The following YEATS2 variants were observed in gnomAD, a reference collection of about 807,000 sequenced individuals.
YEATS2 encodes YEATS domain containing 2, also known as YEATS domain-containing protein 2.
A neutral mutation model predicts 163.2 loss-of-function variants in YEATS2; 77 were observed. The ratio of observed to expected loss-of-function variants is 0.47; its 90% CI spans 0.39 to 0.57. The LOEUF (loss-of-function observed/expected upper bound fraction) is 0.57. YEATS2 is among the 20% of genes least tolerant of loss of function. The pLI, the probability that YEATS2 is intolerant of heterozygous loss-of-function variation, is 0.00. For missense variants in YEATS2, 1,549 were observed against 1,729.8 expected (o/e 0.90, Z 1.85); for synonymous variants, 631 against 645.1 (o/e 0.98, Z 0.33).
chr3:183,716,617 A>C (rs1715906351), intron 2 of YEATS2, among the ~76,000 whole-genome samples: 1 of 152,220 alleles, frequency 6.6e-6, no homozygotes, highest in African/African-American at 2.4e-5. Context: ...TATGTAACTT[A>C]ATTCATTACC....
At chr3:183,754,428 A>C (rs1720506988) in intron 11 of YEATS2, 63 bp downstream of exon 11, 2 of 1,536,134 alleles carry the variant, frequency 1.3e-6, no homozygotes, top group East Asian at 4.6e-5. Context: ...TGTTGGAACA[A>C]CAAAACAAAA....
At chr3:183,706,521 T>C (rs532315216) in intron 1 of YEATS2, among the ~76,000 whole-genome samples, 1 of 152,264 alleles carries the variant, frequency 6.6e-6, no homozygotes, top group African/African-American at 2.4e-5. Flanking sequence ...TTTTTGCAAT[T>C]GGATATACAT....
In YEATS2 at chr3:183,761,610, C is replaced by T. The variant is rs1560283453; in HGVS notation, c.1760C>T (p.Thr587Ile). ...ATAACAGGAGGACTTGGAGCTTTCACAAAAGTGAGTATGTATTAGGGCATT... is the reference window on the plus strand; with the variant it reads ...ATAACAGGAGGACTTGGAGCTTTCATAAAAGTGAGTATGTATTAGGGCATT... ...KPITGGLGAF[T>I]KVIIKQEPGE... Residue 587 changes from threonine (T) to isoleucine (I), a missense_variant, in exon 14 of 31, where the codon ACA (threonine) becomes ATA (isoleucine). By Grantham distance (89) the Thr-to-Ile change is moderately conservative. Coordinates refer to ENST00000305135, the MANE Select transcript of YEATS2 (RefSeq NM_018023.5). The T allele has an allele frequency of 6.2e-7, 1 of 1,613,748 alleles. No homozygotes were observed. The highest frequency in any genetic ancestry group is 8.5e-7 in the Non-Finnish European group (1 of 1,179,652).
chr3:183,713,072 A>G (rs958060324), intron 1 of YEATS2, among the ~76,000 whole-genome samples: 1 of 152,184 alleles, frequency 6.6e-6, no homozygotes, highest in African/African-American at 2.4e-5. Context: ...TGGCCTGTAC[A>G]GGCCGCTAAT....
rs778379406 is a variant in YEATS2, at chr3:183,762,196, C to T, written c.1864C>T (p.His622Tyr). The part of the protein sequence containing the change: ...LPQYVTVKGG[H>Y]MIAVSPQKQV... ...GCAGTATGTGACTGTGAAAGGGGGTCACATGATAGCTGTGTCCCCTCAAAA... is the reference window on the plus strand; with the variant it reads ...GCAGTATGTGACTGTGAAAGGGGGTTACATGATAGCTGTGTCCCCTCAAAA... Residue 622 changes from histidine to tyrosine, a missense_variant, in exon 15 of 31, where the codon CAC becomes TAC. By Grantham distance (83) the His-to-Tyr change is moderately conservative (BLOSUM62 2). Transcript: ENST00000305135. The T allele has an allele frequency of 5.0e-6, 8 of 1,614,018 alleles. No individual in the cohort carries two copies. In the Admixed American group the frequency reaches 8.3e-5, roughly 17 times the overall value.
chr3:183,771,542 C>CTTTTTTTTTT lies in YEATS2; in HGVS notation c.1948-763_1948-762insTTTTTTTTTT, dbSNP rs1722462151. Among the ~76,000 whole-genome samples, 14 of 60,812 alleles carry CTTTTTTTTTT rather than the reference C, an allele frequency of 2.3e-4. 1 individual carries two copies. Among genetic ancestry groups the CTTTTTTTTTT allele is most frequent in the Non-Finnish European group, 2.9e-4 (11 of 38,150 alleles). 39.9% of individuals were successfully genotyped at this position (60,812 alleles called of 152,430 possible). Reference sequence around the variant, plus strand: ...TTTTAATAGTTAAATATTATTCTTGCCTTTTTTTTTTTTTTTTTTTTTTCT... The same window carrying CTTTTTTTTTT: ...TTTTAATAGTTAAATATTATTCTTGCTTTTTTTTTTCTTTTTTTTTTTTTTTTTTTTTTCT... On this transcript the variant is annotated intron_variant, in intron 15 of 30. Coordinates refer to ENST00000305135, the MANE Select transcript of YEATS2 (RefSeq NM_018023.5).
At chr3:183,738,536 A>G (rs544436958) in intron 8 of YEATS2, among the ~76,000 whole-genome samples, 36 of 128,262 alleles carry the variant, frequency 2.8e-4, no homozygotes, top group Admixed American at 7.7e-4. Context: ...ATATCTCCCA[A>G]TGCTATCCCT....
rs181908656 is a variant in YEATS2 at position 183,730,312 on chromosome 3, G to A, written c.812+1461G>A. On this transcript the variant is annotated intron_variant, in intron 7 of 30. Coordinates refer to ENST00000305135, the MANE Select transcript of YEATS2 (RefSeq NM_018023.5). ...ACTCCTGAGCTCAAGCCCCCTGCCC[G>A]CCTTGGCCTCCCAAAGTGCTGAGAT... 6.8e-4 allele frequency among the ~76,000 whole-genome samples: 103 copies of A among 152,012 alleles called. 3 individuals are homozygous for A. The East Asian group carries it at 0.018, about 26-fold the overall frequency.
chr3:183,763,225 A>G (rs569157839), intron 15 of YEATS2, among the ~76,000 whole-genome samples: 2 of 152,294 alleles, frequency 1.3e-5, no homozygotes, highest in East Asian at 3.9e-4. Context: ...AGAATAGCTA[A>G]CTACACACTT....
intron 29 of YEATS2, 159 bp from the exon 30 acceptor site, chr3:183,808,938 T>G: frequency 8.4e-6 from 5 of 594,068 alleles, no homozygotes; most frequent in Non-Finnish European, 1.2e-5. Context: ...GCCTTTATCA[T>G]TATGGTCTAT....
intron 1 of YEATS2, among the ~76,000 whole-genome samples, chr3:183,710,040 T>G (rs1715035456): frequency 6.6e-6 from 1 of 152,216 alleles, no homozygotes; most frequent in African/African-American, 2.4e-5. Flanking sequence ...GTCGCAGCGT[T>G]ACATTTATTT....
At chr3:183,742,553 A>G (rs537963533) in intron 8 of YEATS2, among the ~76,000 whole-genome samples, 6 of 152,322 alleles carry the variant, frequency 3.9e-5, no homozygotes, top group Non-Finnish European at 7.3e-5. Flanking sequence ...TTATGATTAA[A>G]CCTTAATGCA....
At chr3:183,727,787 A>C (rs1357611063) in intron 6 of YEATS2, among the ~76,000 whole-genome samples, 1 of 152,196 alleles carries the variant, frequency 6.6e-6, no homozygotes, top group Non-Finnish European at 1.5e-5. Flanking sequence ...AACTAGGTGC[A>C]GTCTTCTTGG....
intron 15 of YEATS2, among the ~76,000 whole-genome samples, chr3:183,770,396 AAAAC>A (rs562028051): frequency 3.3e-5 from 5 of 152,280 alleles, no homozygotes; most frequent in East Asian, 1.9e-4. Flanking sequence ...AAAAAACAAA[AAAAC>A]AAAAATTTCC....
At chr3:183,768,637 C>A (rs1218293178) in intron 15 of YEATS2, among the ~76,000 whole-genome samples, 1 of 152,074 alleles carries the variant, frequency 6.6e-6, no homozygotes, top group African/African-American at 2.4e-5. Context: ...CTGCCCTGCT[C>A]TGTGGCTACA....
intron 6 of YEATS2, among the ~76,000 whole-genome samples, chr3:183,727,732 C>T (rs1717267647): frequency 6.6e-6 from 1 of 152,160 alleles, no homozygotes; most frequent in African/African-American, 2.4e-5. Context: ...TTACCATGAT[C>T]AGGGTTTAAG....
rs565265035 is a variant in YEATS2 at position 183,803,048 on chromosome 3, G to A, written c.3503-208G>A. Reference sequence around the variant, plus strand: ...TCTACCAAAGAAGCAAAGTGCCCAGGAAGGTGTGTTGCTTTGAGTACACAC... The same window carrying A: ...TCTACCAAAGAAGCAAAGTGCCCAGAAAGGTGTGTTGCTTTGAGTACACAC... On this transcript the variant is annotated intron_variant, in intron 25 of 30. Transcript: ENST00000305135. 8.2e-4 allele frequency: 474 copies of A among 578,906 alleles called. 4 individuals are homozygous for A. The South Asian group carries it at 0.01, about 12-fold the overall frequency. 35.9% of individuals were successfully genotyped at this position (578,906 alleles called of 1,614,324 possible).
chr3:183,751,972 G>A, intron 9 of YEATS2, 101 bp from the exon 10 acceptor site: 1 of 1,319,654 alleles, frequency 7.6e-7, no homozygotes, highest in South Asian at 1.3e-5. Context: ...GTGATTAGAA[G>A]TTATCTCTCA....
At chr3:183,800,652 G>A in intron 24 of YEATS2, 84 bp downstream of exon 24, 1 of 1,136,956 alleles carries the variant, frequency 8.8e-7, no homozygotes, top group Non-Finnish European at 1.3e-6. Flanking sequence ...AGAGTTGTGT[G>A]TGTGTAGCTC....
Sources: gnomAD v4.1 joint callset for allele counts (sites outside exome capture counted in the v4.1 genomes callset) on GRCh38, gnomAD v4.1.1 for gene constraint, MANE v1.5 for transcripts, NCBI Gene and HGNC (gene_info 2026-07-23, HGNC 2026-07-21) for gene names.